APBB2: variants seen among roughly 807,000 people sequenced by gnomAD.
APBB2 encodes the protein amyloid beta precursor protein binding family B member 2.
A neutral mutation model predicts 82.5 loss-of-function variants in APBB2; 38 were observed. The observed-to-expected ratio is 0.46, with a 90% CI of 0.36 to 0.60. The LOEUF is 0.60. Ranked by LOEUF, APBB2 falls within the 20% of genes least tolerant of loss-of-function variation. The pLI is 0.00. For missense variants in APBB2, 772 were observed against 972.3 expected, an observed-to-expected ratio of 0.79 and a Z score of 2.74; for synonymous variants, 341 against 368.2, an observed-to-expected ratio of 0.93 and a Z score of 0.85.
chr4:41,205,383 C>T (rs1353307521), intron 1 of APBB2, among the ~76,000 whole-genome samples: 2 of 152,146 alleles, frequency 1.3e-5, no homozygotes, highest in Admixed American at 6.5e-5. Context: ...TCCCCTGACC[C>T]GCTTCCCATT....
intron 12 of APBB2, among the ~76,000 whole-genome samples, chr4:40,854,084 T>C (rs1379051824): frequency 1.3e-5 from 2 of 152,180 alleles, no homozygotes; most frequent in East Asian, 3.8e-4. Flanking sequence ...ACTATAAATA[T>C]TAAGCACATG....
At chr4:41,018,645 G>A (rs1245093423) in intron 5 of APBB2, among the ~76,000 whole-genome samples, 5 of 152,292 alleles carry the variant, frequency 3.3e-5, no homozygotes, top group East Asian at 1.9e-4. Context: ...TATATTCTCC[G>A]AGAAGGCGAT....
intron 2 of APBB2, among the ~76,000 whole-genome samples, chr4:41,107,222 A>T (rs1747590184): frequency 6.6e-6 from 1 of 152,054 alleles, no homozygotes; most frequent in Non-Finnish European, 1.5e-5. Context: ...GAGGTGGGAG[A>T]ATCTCTTGAA....
intron 7 of APBB2, among the ~76,000 whole-genome samples, chr4:40,943,479 C>A (rs945206455): frequency 6.6e-5 from 10 of 152,136 alleles, no homozygotes; most frequent in African/African-American, 1.9e-4. Flanking sequence ...TGATCCTGGC[C>A]GGCTCAGCTT....
intron 2 of APBB2, among the ~76,000 whole-genome samples, chr4:41,133,413 T>C (rs1285169093): frequency 6.6e-6 from 1 of 152,158 alleles, no homozygotes; most frequent in African/African-American, 2.4e-5. Flanking sequence ...CTGCTGTGCC[T>C]CAAACTGCAT....
chr4:40,981,869 C>A (rs966763041), intron 6 of APBB2, among the ~76,000 whole-genome samples: 2 of 151,980 alleles, frequency 1.3e-5, no homozygotes, highest in Admixed American at 6.6e-5. Context: ...GAGGCCAAGG[C>A]AGTAGGGTTT....
intron 6 of APBB2, among the ~76,000 whole-genome samples, chr4:40,982,330 AGAAG>A (rs202091127): frequency 0.016 from 375 of 23,496 alleles, 60 homozygotes; most frequent in Non-Finnish European, 0.021. Context: ...AAGAAAAGAA[AGAAG>A]GAAGGAAGGA....
At chr4:41,079,538 T>C (rs1736794803) in intron 3 of APBB2, among the ~76,000 whole-genome samples, 1 of 149,406 alleles carries the variant, frequency 6.7e-6, no homozygotes, top group South Asian at 2.1e-4. Flanking sequence ...AAAGTTTTGG[T>C]AGGCTCATCA....
intron 17 of APBB2, among the ~76,000 whole-genome samples, chr4:40,818,035 T>C (rs1339788512): frequency 6.6e-6 from 1 of 152,250 alleles, no homozygotes; most frequent in Non-Finnish European, 1.5e-5. Context: ...TCCCTCTCTG[T>C]TCTATTCTAA....
chr4:41,104,829 T>C (rs1746619480), intron 2 of APBB2, among the ~76,000 whole-genome samples: 1 of 152,214 alleles, frequency 6.6e-6, no homozygotes, highest in African/African-American at 2.4e-5. Flanking sequence ...AAGGACGTGA[T>C]TTAGTTCTTT....
At chr4:40,841,448 C>T (rs184794206) in intron 12 of APBB2, among the ~76,000 whole-genome samples, 3 of 152,214 alleles carry the variant, frequency 2.0e-5, no homozygotes, top group East Asian at 3.9e-4. Context: ...AACGGGCAGG[C>T]GGACATGCAG....
rs567544035 is a variant in APBB2, at chr4:41,099,143, T to G, written c.-149+1496A>C. On this transcript the variant is annotated intron_variant, in intron 3 of 17. Transcript: ENST00000508593. ...AACTAATTCATATTTTAGCAGAGAC[T>G]TGACATCCCTCAGAAATTACATGTG... is the stretch of plus-strand genomic sequence containing the variant. Among the ~76,000 whole-genome samples, 6 of 152,344 alleles carry G rather than the reference T, an allele frequency of 3.9e-5. No individual in the cohort carries two copies. In the East Asian group the frequency reaches 1.2e-3, roughly 29 times the overall value.
intron 5 of APBB2, among the ~76,000 whole-genome samples, chr4:41,024,229 C>A (rs1713008258): frequency 6.6e-6 from 1 of 152,128 alleles, no homozygotes; most frequent in African/African-American, 2.4e-5. Context: ...CTATAAAAAG[C>A]CTGGAAGACA....
At chr4:41,150,041 T>A (rs1438195616) in intron 1 of APBB2, among the ~76,000 whole-genome samples, 1 of 152,198 alleles carries the variant, frequency 6.6e-6, no homozygotes, top group Non-Finnish European at 1.5e-5. Flanking sequence ...ACTAATACAC[T>A]GGGGTTCTTA....
At chr4:40,878,793 G>GAA (rs1461243382) in intron 12 of APBB2, among the ~76,000 whole-genome samples, 1 of 152,162 alleles carries the variant, frequency 6.6e-6, no homozygotes, top group Non-Finnish European at 1.5e-5. Flanking sequence ...AGGGTTTGGA[G>GAA]AGGTTTATTC....
chr4:40,861,752 T>G (rs186202844), intron 12 of APBB2, among the ~76,000 whole-genome samples: 1 of 152,192 alleles, frequency 6.6e-6, no homozygotes, highest in Admixed American at 6.5e-5. Context: ...TACAGCTAAT[T>G]CTCTGATAAA....
intron 5 of APBB2, among the ~76,000 whole-genome samples, chr4:41,025,025 ATG>A (rs1370512155): frequency 6.6e-6 from 1 of 152,164 alleles, no homozygotes; most frequent in Non-Finnish European, 1.5e-5. Flanking sequence ...CCTTTTAGAA[ATG>A]TGTCTAAAAT....
At chr4:41,085,858 T>C (rs1374193436) in intron 3 of APBB2, among the ~76,000 whole-genome samples, 1 of 152,054 alleles carries the variant, frequency 6.6e-6, no homozygotes, top group Admixed American at 6.6e-5. Context: ...TAATAAGTTA[T>C]AAATGAAAGT....
At chr4:40,995,055 AAAG>A (rs1464448502) in intron 6 of APBB2, among the ~76,000 whole-genome samples, 1 of 152,156 alleles carries the variant, frequency 6.6e-6, no homozygotes, top group Non-Finnish European at 1.5e-5. Context: ...ATCTCAAGGG[AAAG>A]AAGGACAGCG....
Sources: allele counts gnomAD v4.1 joint callset (sites outside exome capture counted in the v4.1 genomes callset), GRCh38; gene constraint gnomAD v4.1.1; transcripts MANE v1.5; gene names NCBI Gene and HGNC (gene_info 2026-07-23, HGNC 2026-07-21).